Variants in DLGAP2 observed in about 807,000 individuals in gnomAD.
The protein encoded by DLGAP2 is DLG associated protein 2, also known as disks large-associated protein 2.
Under a neutral mutation model 100.3 loss-of-function variants are expected in DLGAP2, and 26 were observed. The ratio of observed to expected loss-of-function variants is 0.26; its 90% confidence interval spans 0.19 to 0.36. DLGAP2 has a LOEUF of 0.36. Among genes scored for constraint, DLGAP2 ranks in the 10% least tolerant of loss-of-function variants. The pLI, the probability that DLGAP2 is intolerant of heterozygous loss-of-function variation, is 1.00. For missense variants in DLGAP2, 1,858 were observed against 1,453.2 expected, an observed-to-expected ratio of 1.28 and a Z score of -4.53; for synonymous variants, 886 against 630.1, an observed-to-expected ratio of 1.41 and a Z score of -6.08.
chr8:1,090,996 G>T (rs1344751116), intron 2 of DLGAP2, among the ~76,000 whole-genome samples: 3 of 152,136 alleles, frequency 2.0e-5, no homozygotes, highest in Admixed American at 6.5e-5. Flanking sequence ...AACCTCATCA[G>T]AACGTTAACT....
chr8:1,314,836 A>G (rs993308311), intron 3 of DLGAP2, among the ~76,000 whole-genome samples: 1 of 152,244 alleles, frequency 6.6e-6, no homozygotes, highest in Non-Finnish European at 1.5e-5. Context: ...TGAACCTGTC[A>G]CCAACCTAAG....
intron 4 of DLGAP2, among the ~76,000 whole-genome samples, chr8:1,546,959 A>T (rs1801561436): frequency 6.6e-6 from 1 of 152,112 alleles, no homozygotes; most frequent in Non-Finnish European, 1.5e-5. Context: ...TCAGCCGTCG[A>T]GGTGGCCACT....
At chr8:828,949 T>C (rs1373026670) in intron 1 of DLGAP2, among the ~76,000 whole-genome samples, 1 of 152,214 alleles carries the variant, frequency 6.6e-6, no homozygotes, top group Admixed American at 6.5e-5. Flanking sequence ...TTAAAACATA[T>C]TATTTTTTAT....
At chr8:1,589,401 G>T (rs149931235) in intron 6 of DLGAP2, among the ~76,000 whole-genome samples, 15 of 152,178 alleles carry the variant, frequency 9.9e-5, no homozygotes, top group African/African-American at 3.4e-4. Context: ...CCTCAGAAAT[G>T]AAACTTATTC....
chr8:1,359,051 C>T (rs1227943099), intron 3 of DLGAP2, among the ~76,000 whole-genome samples: 1 of 152,112 alleles, frequency 6.6e-6, no homozygotes, highest in Non-Finnish European at 1.5e-5. Flanking sequence ...TTCGGCAGGT[C>T]GGGGTGGGGC....
At chr8:1,554,590 G>T (rs983348835) in intron 5 of DLGAP2, among the ~76,000 whole-genome samples, 32 of 152,244 alleles carry the variant, frequency 2.1e-4, no homozygotes, top group Non-Finnish European at 4.3e-4. Flanking sequence ...CCCGGGTCCT[G>T]TCTTTGTCCC....
intron 6 of DLGAP2, among the ~76,000 whole-genome samples, chr8:1,597,242 G>C (rs529568822): frequency 1.3e-5 from 2 of 152,160 alleles, no homozygotes; most frequent in South Asian, 4.1e-4. Context: ...TTTGATACTA[G>C]TACCATCCTG....
chr8:1,334,121 G>A (rs1247545671), intron 3 of DLGAP2, among the ~76,000 whole-genome samples: 9 of 152,242 alleles, frequency 5.9e-5, no homozygotes, highest in African/African-American at 2.2e-4. Flanking sequence ...GTGACACACA[G>A]TGATGCCAGT....
intron 3 of DLGAP2, among the ~76,000 whole-genome samples, chr8:1,473,858 C>G (rs1026259269): frequency 2.0e-5 from 3 of 152,176 alleles, no homozygotes; most frequent in South Asian, 2.1e-4. Flanking sequence ...CATGTAAGAC[C>G]TGCCTTTCAC....
intron 2 of DLGAP2, among the ~76,000 whole-genome samples, chr8:1,201,963 G>A (rs887571943): frequency 6.7e-6 from 1 of 150,104 alleles, no homozygotes; most frequent in Non-Finnish European, 1.5e-5. Flanking sequence ...CACATGTGGT[G>A]TGTACAGTAT....
At chr8:918,112 T>G (rs1274809139) in intron 2 of DLGAP2, among the ~76,000 whole-genome samples, 1 of 152,118 alleles carries the variant, frequency 6.6e-6, no homozygotes, top group Non-Finnish European at 1.5e-5. Context: ...TTACCTAAGT[T>G]TTGTGCCTTC....
intron 2 of DLGAP2, among the ~76,000 whole-genome samples, chr8:1,062,866 TA>T (rs1803128246): frequency 6.6e-6 from 1 of 152,200 alleles, no homozygotes; most frequent in Non-Finnish European, 1.5e-5. Context: ...AGTCTTCAGC[TA>T]TAACCATTTT....
intron 8 of DLGAP2, among the ~76,000 whole-genome samples, chr8:1,634,680 TAGG>T (rs1184930222): frequency 6.6e-6 from 1 of 152,188 alleles, no homozygotes; most frequent in East Asian, 1.9e-4. Context: ...TACTGTCTCT[TAGG>T]AGCAAGTAAA....
At chr8:1,161,305 A>G (rs371083152) in intron 2 of DLGAP2, among the ~76,000 whole-genome samples, 2 of 152,120 alleles carry the variant, frequency 1.3e-5, no homozygotes, top group South Asian at 2.1e-4. Flanking sequence ...GGCATGAACT[A>G]GGTGTTGTAG....
At chr8:1,590,650 C>T (rs148487061) in intron 6 of DLGAP2, among the ~76,000 whole-genome samples, 1 of 152,326 alleles carries the variant, frequency 6.6e-6, no homozygotes, top group Non-Finnish European at 1.5e-5. Context: ...CTCTCAAATT[C>T]CACTTTAATT....
intron 2 of DLGAP2, among the ~76,000 whole-genome samples, chr8:1,018,588 T>C (rs970449011): frequency 6.6e-6 from 1 of 152,234 alleles, no homozygotes; most frequent in African/African-American, 2.4e-5. Flanking sequence ...AAGCACACAT[T>C]GCTCTTGGCA....
chr8:973,889 C>T (rs925525739), intron 2 of DLGAP2, among the ~76,000 whole-genome samples: 40 of 141,798 alleles, frequency 2.8e-4, no homozygotes, highest in African/African-American at 1.1e-3. Context: ...TTCCCCTCCT[C>T]CGCCACCGCC....
intron 1 of DLGAP2, among the ~76,000 whole-genome samples, chr8:816,332 C>T (rs1166933844): frequency 6.7e-6 from 1 of 148,412 alleles, no homozygotes; most frequent in East Asian, 2.0e-4. Flanking sequence ...GAGATTTATG[C>T]TTTAAGGAAT....
chr8:1,202,611 GA>G (rs1320939085), intron 2 of DLGAP2, among the ~76,000 whole-genome samples: 1 of 152,072 alleles, frequency 6.6e-6, no homozygotes, highest in Non-Finnish European at 1.5e-5. Context: ...CGTAACACGG[GA>G]CAGTCACAGG....
Sources: gnomAD v4.1 joint callset for allele counts (sites outside exome capture counted in the v4.1 genomes callset) on GRCh38, gnomAD v4.1.1 for gene constraint, MANE v1.5 for transcripts, NCBI Gene and HGNC (gene_info 2026-07-23, HGNC 2026-07-21) for gene names.